COPG1: variants seen among roughly 807,000 people sequenced by gnomAD.
COPG1 encodes coat protein complex I subunit gamma 1, also known as coatomer subunit gamma-1.
In COPG1, 29 loss-of-function variants were observed where a neutral mutation model predicts 102.8. The ratio of observed to expected loss-of-function variants is 0.28; its 90% CI spans 0.21 to 0.38. The LOEUF is 0.38. COPG1 is among the 10% of genes least tolerant of loss of function. The pLI, the probability that COPG1 is intolerant of heterozygous loss-of-function variation, is 1.00. For missense variants in COPG1, 875 were observed against 1,132.7 expected (o/e 0.77, Z 3.27); for synonymous variants, 406 against 421.6 (o/e 0.96, Z 0.45).
At position 129,257,875 on chromosome 3, in the gene COPG1, C is replaced by T. The variant is rs755556647; in HGVS notation, c.871+15C>T. 6.2e-7 allele frequency: 1 copy of T among 1,611,406 alleles called. No individual in the cohort carries two copies. Among genetic ancestry groups the T allele is most frequent in the South Asian group, 1.1e-5 (1 of 90,898 alleles). On this transcript the variant is annotated intron_variant, in intron 10 of 23. Transcript: ENST00000314797. ...GGCTGTGTCAGGTCACTGGGCATTC[C>T]TTCACCCAGCCTCACATGTTTATGC...
intron 15 of COPG1, among the ~76,000 whole-genome samples, chr3:129,267,734 A>G (rs1011995327): frequency 7.2e-5 from 11 of 152,240 alleles, no homozygotes; most frequent in Non-Finnish European, 1.5e-4. Flanking sequence ...CATCACCACA[A>G]CCTGAGTTTA....
chr3:129,261,594 G>A (rs1576964575), intron 12 of COPG1, among the ~76,000 whole-genome samples: 1 of 151,952 alleles, frequency 6.6e-6, no homozygotes, highest in South Asian at 2.1e-4. Context: ...GAAATATACT[G>A]AGAAGTCCTA....
intron 2 of COPG1, 178 bp downstream of exon 2, chr3:129,250,912 C>CTT (rs10706690): frequency 5.4e-3 from 1,091 of 201,578 alleles, no homozygotes; most frequent in Middle Eastern, 0.012. Context: ...ATGCTTACTT[C>CTT]TTTTTTTTTT....
chr3:129,263,993 G>T lies in COPG1; in HGVS notation c.1218G>T (p.Arg406=). The T allele has an allele frequency of 6.2e-7, 1 of 1,613,942 alleles. No individual in the cohort carries two copies. Among genetic ancestry groups the T allele is most frequent in the Non-Finnish European group, 8.5e-7 (1 of 1,179,894 alleles). ...VLMNFLFTML[R]EEGGFEYKRA... Reference sequence around the variant, plus strand: ...TGAACTTCCTGTTCACCATGCTGCGGGAAGAGGTAAGAGTCAGGGGCATTC... The same window carrying T: ...TGAACTTCCTGTTCACCATGCTGCGTGAAGAGGTAAGAGTCAGGGGCATTC... The change falls in exon 13 of 24, where the codon CGG becomes CGT. Residue 406 remains arginine, a synonymous_variant. Transcript: ENST00000314797.
At chr3:129,255,140 T>G in intron 7 of COPG1, 63 bp downstream of exon 7, 2 of 1,024,192 alleles carry the variant, frequency 2.0e-6, no homozygotes, top group Non-Finnish European at 3.0e-6. Context: ...AATTTAAGAG[T>G]CACATTCCAG....
chr3:129,272,839 A>G lies in COPG1; in HGVS notation c.2191A>G (p.Thr731Ala), dbSNP rs765608485. 1.9e-6 allele frequency: 3 copies of G among 1,613,280 alleles called. No individual in the cohort carries two copies. The highest frequency in any genetic ancestry group is 2.2e-5 in the East Asian group (1 of 44,836). ...CACATTCAGCTGCATGATGAAGTTC[A>G]CTGTCAAGGACTGTGATCCCACCAC... ...ACTFSCMMKF[T>A]VKDCDPTTGE... The change falls in exon 21 of 24, where the codon ACT (threonine) becomes GCT (alanine). Residue 731 changes from threonine (T) to alanine (A), a missense_variant. Coordinates refer to ENST00000314797, the MANE Select transcript of COPG1 (RefSeq NM_016128.4).
chr3:129,259,014 ATGT>A (rs1314682736), intron 10 of COPG1, among the ~76,000 whole-genome samples: 3 of 152,322 alleles, frequency 2.0e-5, no homozygotes, highest in South Asian at 4.1e-4. Flanking sequence ...GAAAGCAAAG[ATGT>A]TGTGGCAGGA....
intron 13 of COPG1, among the ~76,000 whole-genome samples, chr3:129,265,159 A>G (rs1560066019): frequency 2.0e-5 from 3 of 151,670 alleles, no homozygotes; most frequent in African/African-American, 7.3e-5. Flanking sequence ...TGGTGTGATC[A>G]CGGCTCACTG....
chr3:129,265,780 G>A lies in COPG1; in HGVS notation c.1456G>A (p.Glu486Lys). 1 of 1,614,114 alleles carries A rather than the reference G, an allele frequency of 6.2e-7. No individual in the cohort carries two copies. The highest frequency in any genetic ancestry group is 8.5e-7 in the Non-Finnish European group (1 of 1,179,994). Residue 486 changes from glutamate (E) to lysine (K), a missense_variant, in exon 14 of 24, where the codon GAG (glutamate) becomes AAG (lysine). Physicochemically the swap from Glu to Lys is moderately conservative, Grantham distance 56. Coordinates refer to ENST00000314797, the MANE Select transcript of COPG1 (RefSeq NM_016128.4). ...TAACCGAGTGGTCTTGGAGCATGAGGAGGTCCGGGCAGGTAGGTCTGAGCC... is the reference window on the plus strand; with the variant it reads ...TAACCGAGTGGTCTTGGAGCATGAGAAGGTCCGGGCAGGTAGGTCTGAGCC... ...IYNRVVLEHE[E>K]VRAGAVSALA...
rs1047893430 is a variant in COPG1 at position 129,265,463 on chromosome 3, T to C, written c.1225-86T>C. On this transcript the variant is annotated intron_variant, in intron 13 of 23. Coordinates refer to ENST00000314797, the MANE Select transcript of COPG1 (RefSeq NM_016128.4). ...GTGCCCTGTCTCCAAGTTCTGTGTT[T>C]GGACAACTGTCCTTGGTCCAGCTCA... 8 of 1,516,026 alleles carry C rather than the reference T, an allele frequency of 5.3e-6. No homozygotes were observed. In the Admixed American group the frequency reaches 1.4e-4, roughly 26 times the overall value. 93.9% of individuals were successfully genotyped at this position (1,516,026 alleles called of 1,614,324 possible).
chr3:129,268,996 C>A lies in COPG1; in HGVS notation c.1839C>A (p.Phe613Leu). The stretch of plus-strand genomic sequence containing the variant: ...TGGCAGCTACCAGGCAGGAGATCTT[C>A]CAGGGTGAGTCACAGTGGTTGGGGG... ...EKVAATRQEI[F>L]QEQLAAVPEF... Residue 613 changes from phenylalanine to leucine, a missense_variant, in exon 18 of 24, where the codon TTC (phenylalanine) becomes TTA (leucine). By Grantham distance (22) the Phe-to-Leu change is conservative. Transcript: ENST00000314797. The A allele has an allele frequency of 6.2e-7, 1 of 1,613,964 alleles. No individual in the cohort carries two copies. Among genetic ancestry groups the A allele is most frequent in the Non-Finnish European group, 8.5e-7 (1 of 1,179,882 alleles).
At chr3:129,263,020 A>AAG (rs1426633641) in intron 12 of COPG1, among the ~76,000 whole-genome samples, 1 of 143,834 alleles carries the variant, frequency 7.0e-6, no homozygotes, top group African/African-American at 2.9e-5. Flanking sequence ...GTCTCAAAAA[A>AAG]AAAAAAAAAA....
intron 6 of COPG1, 91 bp from the exon 7 acceptor site, chr3:129,254,894 C>T (rs1039806034): frequency 9.0e-6 from 11 of 1,225,326 alleles, no homozygotes; most frequent in South Asian, 1.2e-5. Flanking sequence ...CTTACTTCCT[C>T]CTCATACTCA....
At chr3:129,254,785 T>G in intron 6 of COPG1, 42 bp downstream of exon 6, 3 of 1,532,462 alleles carry the variant, frequency 2.0e-6, no homozygotes, top group Non-Finnish European at 2.7e-6. Context: ...GCCTCTTGAT[T>G]GAGGCCTCGG....
chr3:129,252,162 C>A, intron 2 of COPG1, 119 bp from the exon 3 acceptor site: 1 of 681,648 alleles, frequency 1.5e-6, no homozygotes. Context: ...AAGCTTGTTG[C>A]ATACCCAGAA....
chr3:129,263,736 G>C (rs1169751941), intron 12 of COPG1, among the ~76,000 whole-genome samples, 168 bp from the exon 13 acceptor site: 1 of 146,424 alleles, frequency 6.8e-6, no homozygotes, highest in Non-Finnish European at 1.5e-5. Context: ...CTCAGGGATT[G>C]TGCCCTTCAA....
chr3:129,260,860 C>G (rs1939913013), intron 12 of COPG1, 53 bp downstream of exon 12: 2 of 1,572,196 alleles, frequency 1.3e-6, no homozygotes, highest in Non-Finnish European at 1.7e-6. Flanking sequence ...AGCTCTGTCC[C>G]TGCTCTCTGT....
In COPG1 at chr3:129,274,855, T is replaced by C; in HGVS notation, c.2274T>C (p.Val758=). Residue 758 remains valine (V), a synonymous_variant, in exon 22 of 24, where the codon GTT becomes GTC. Coordinates refer to ENST00000314797, the MANE Select transcript of COPG1 (RefSeq NM_016128.4). The stretch of plus-strand genomic sequence containing the variant: ...CTCTCCAGCTGGAAGATCTGGAAGT[T>C]ACTGTAGCTGATCACATTCAAAAGG... The part of the protein sequence containing the change: ...EDEYVLEDLE[V]TVADHIQKVM... 1 of 1,614,168 alleles carries C rather than the reference T, an allele frequency of 6.2e-7. No individual in the cohort carries two copies. Among genetic ancestry groups the C allele is most frequent in the South Asian group, 1.1e-5 (1 of 91,090 alleles).
intron 10 of COPG1, among the ~76,000 whole-genome samples, chr3:129,259,690 C>T (rs1005699345): frequency 5.3e-5 from 8 of 152,136 alleles, no homozygotes; most frequent in Admixed American, 1.3e-4. Context: ...TAGTCATCTT[C>T]GCTCCTATGA....
Sources: gnomAD v4.1 joint callset for allele counts (sites outside exome capture counted in the v4.1 genomes callset) on GRCh38, gnomAD v4.1.1 for gene constraint, MANE v1.5 for transcripts, NCBI Gene and HGNC (gene_info 2026-07-23, HGNC 2026-07-21) for gene names.